Variants in BCKDHB observed in about 807,000 individuals in gnomAD.
BCKDHB encodes branched chain keto acid dehydrogenase E1 subunit beta.
A neutral mutation model predicts 48.5 loss-of-function variants in BCKDHB; 41 were observed. That is an observed-to-expected ratio of 0.85 (90% confidence interval 0.66 to 1.10). The LOEUF (loss-of-function observed/expected upper bound fraction) is 1.10. Among genes scored for constraint, BCKDHB ranks in the 50% least tolerant of loss-of-function variants. The pLI, the probability that BCKDHB is intolerant of heterozygous loss-of-function variation, is 0.00. For missense variants in BCKDHB, 496 were observed against 494.2 expected (o/e 1.00, Z -0.03); for synonymous variants, 201 against 174.8 (o/e 1.15, Z -1.18).
chr6:80,244,470 T>C (rs1776523529), intron 8 of BCKDHB, among the ~76,000 whole-genome samples: 1 of 152,204 alleles, frequency 6.6e-6, no homozygotes, highest in South Asian at 2.1e-4. Context: ...AAGAAAAAAA[T>C]AACACAGTTA....
intron 8 of BCKDHB, among the ~76,000 whole-genome samples, chr6:80,257,801 A>G (rs1049054712): frequency 6.6e-6 from 1 of 152,092 alleles, no homozygotes; most frequent in African/African-American, 2.4e-5. Flanking sequence ...TTGTTGCCCA[A>G]GGATTGGAGA....
chr6:80,380,990 G>C, the BCKDHB span, among the ~76,000 whole-genome samples: 1 of 151,946 alleles, frequency 6.6e-6, no homozygotes, highest in South Asian at 2.1e-4. Context: ...TGTGAAGAGA[G>C]GGGATTTTAA....
At chr6:80,222,790 C>A (rs1406900637) in intron 8 of BCKDHB, among the ~76,000 whole-genome samples, 1 of 152,176 alleles carries the variant, frequency 6.6e-6, no homozygotes, top group African/African-American at 2.4e-5. Context: ...AGGTAGAAGA[C>A]TTCTAAGCAG....
At chr6:80,257,236 T>G (rs1352990841) in intron 8 of BCKDHB, among the ~76,000 whole-genome samples, 1 of 152,044 alleles carries the variant, frequency 6.6e-6, no homozygotes, top group African/African-American at 2.4e-5. Context: ...GATTCACCAC[T>G]TTTGGTTTAA....
the BCKDHB span, among the ~76,000 whole-genome samples, chr6:80,393,144 CT>C: frequency 6.6e-6 from 1 of 152,008 alleles, no homozygotes; most frequent in Non-Finnish European, 1.5e-5. Flanking sequence ...AAACAGAACT[CT>C]TTTGCTTTCT....
At chr6:80,294,715 G>A (rs976696467) in intron 9 of BCKDHB, among the ~76,000 whole-genome samples, 14 of 152,160 alleles carry the variant, frequency 9.2e-5, no homozygotes, top group African/African-American at 3.1e-4. Flanking sequence ...GGGTGGGGAA[G>A]AACTCCGCTC....
At chr6:80,377,282 T>A in the BCKDHB span, among the ~76,000 whole-genome samples, 1 of 152,164 alleles carries the variant, frequency 6.6e-6, no homozygotes, top group African/African-American at 2.4e-5. Context: ...ATTCAAGTGA[T>A]CTGTCCTCCT....
At chr6:80,107,025 C>T in intron 1 of BCKDHB, 136 bp downstream of exon 1, 1 of 1,173,546 alleles carries the variant, frequency 8.5e-7, no homozygotes, top group South Asian at 1.3e-5. Context: ...CTGGAACCTC[C>T]TTGCCTCAGG....
intron 8 of BCKDHB, among the ~76,000 whole-genome samples, chr6:80,228,216 A>G (rs1412417455): frequency 2.0e-5 from 3 of 152,200 alleles, no homozygotes; most frequent in Non-Finnish European, 2.9e-5. Flanking sequence ...GTGAGAATAT[A>G]TGATGGTTCA....
the BCKDHB span, among the ~76,000 whole-genome samples, chr6:80,359,656 G>A: frequency 0.019 from 2,954 of 152,194 alleles, 82 homozygotes; most frequent in African/African-American, 0.067. Context: ...GTGCAGTGGC[G>A]CTATCTGGGC....
rs147620460 is a variant in BCKDHB, at chr6:80,193,220, A to C, written c.743-7714A>C. ...CCAGTTAATTAATTATTGAAGAAAAAAATTAGACTGCATTTGAGTTTAAGT... is the reference window on the plus strand; with the variant it reads ...CCAGTTAATTAATTATTGAAGAAAACAATTAGACTGCATTTGAGTTTAAGT... On this transcript the variant is annotated intron_variant, in intron 6 of 9. Coordinates refer to ENST00000320393, the MANE Select transcript of BCKDHB (RefSeq NM_183050.4). 8.3e-4 allele frequency among the ~76,000 whole-genome samples: 126 copies of C among 152,306 alleles called. 1 individual carries two copies. The East Asian group carries it at 0.02, about 24-fold the overall frequency.
intron 6 of BCKDHB, among the ~76,000 whole-genome samples, chr6:80,190,636 G>A (rs773057543): frequency 1.3e-5 from 2 of 152,056 alleles, no homozygotes; most frequent in Admixed American, 1.3e-4. Flanking sequence ...TCTCATTATT[G>A]TTAATATATT....
intron 8 of BCKDHB, among the ~76,000 whole-genome samples, chr6:80,204,946 C>T (rs187055842): frequency 1.9e-4 from 29 of 152,094 alleles, no homozygotes; most frequent in African/African-American, 6.3e-4. Context: ...AGGAGACAAG[C>T]GATCTCTACT....
chr6:80,431,221 A>T, the BCKDHB span, among the ~76,000 whole-genome samples: 2 of 152,172 alleles, frequency 1.3e-5, no homozygotes, highest in Non-Finnish European at 2.9e-5. Flanking sequence ...GCATTTGCTG[A>T]GGAGTGTTTT....
the BCKDHB span, among the ~76,000 whole-genome samples, chr6:80,352,324 G>A: frequency 1.3e-5 from 2 of 152,204 alleles, no homozygotes; most frequent in Admixed American, 1.3e-4. Flanking sequence ...CTCTACAGAG[G>A]AGGTCATCTT....
intron 1 of BCKDHB, among the ~76,000 whole-genome samples, chr6:80,114,673 G>C (rs1283974141): frequency 2.0e-5 from 3 of 152,184 alleles, no homozygotes; most frequent in African/African-American, 7.2e-5. Context: ...TGGGTGGAGG[G>C]TAGTGCCGTT....
intron 1 of BCKDHB, among the ~76,000 whole-genome samples, chr6:80,109,838 G>A (rs1403115893): frequency 1.3e-5 from 2 of 152,080 alleles, no homozygotes; most frequent in Admixed American, 1.3e-4. Context: ...ACAATATTAT[G>A]CTCATTTTAA....
chr6:80,278,899 AG>A (rs1778080048), intron 9 of BCKDHB, among the ~76,000 whole-genome samples: 1 of 152,150 alleles, frequency 6.6e-6, no homozygotes, highest in Admixed American at 6.5e-5. Flanking sequence ...GAAACTTTCA[AG>A]GTTTGACCTG....
the BCKDHB span, among the ~76,000 whole-genome samples, chr6:80,457,877 A>G: frequency 6.6e-6 from 1 of 152,242 alleles, no homozygotes; most frequent in Non-Finnish European, 1.5e-5. Context: ...TAAGATGAGA[A>G]ACAAAGGGTT....
Sources: gnomAD v4.1 joint callset for allele counts (sites outside exome capture counted in the v4.1 genomes callset) on GRCh38, gnomAD v4.1.1 for gene constraint, MANE v1.5 for transcripts, NCBI Gene and HGNC (gene_info 2026-07-23, HGNC 2026-07-21) for gene names.